Variants in KCND3 observed in about 807,000 individuals in gnomAD.
The protein encoded by KCND3 is potassium voltage-gated channel subfamily D member 3.
In KCND3, 9 loss-of-function variants were observed where a neutral mutation model predicts 51.1. The ratio of observed to expected loss-of-function variants is 0.18; its 90% CI spans 0.11 to 0.31. The LOEUF (loss-of-function observed/expected upper bound fraction) is 0.31, where lower values mean the gene tolerates loss of function less well. Ranked by LOEUF, KCND3 falls within the 10% of genes least tolerant of loss-of-function variation. KCND3 has a pLI of 1.00. For synonymous variants in KCND3, 349 were observed against 368.0 expected (o/e 0.95, Z 0.59); for missense variants, 526 against 903.8 (o/e 0.58, Z 5.36).
intron 2 of KCND3, among the ~76,000 whole-genome samples, chr1:111,906,285 T>C (rs574841271): frequency 6.6e-6 from 1 of 152,326 alleles, no homozygotes; most frequent in African/African-American, 2.4e-5. Context: ...CATTTGTGAC[T>C]ATGAACACGC....
chr1:111,864,011 T>C (rs189650885), intron 2 of KCND3, among the ~76,000 whole-genome samples: 3 of 152,180 alleles, frequency 2.0e-5, no homozygotes, highest in Admixed American at 6.5e-5. Flanking sequence ...ACTTGGAGCT[T>C]GCCTTGGATG....
chr1:111,928,382 CCTT>C (rs1400930902), intron 2 of KCND3, among the ~76,000 whole-genome samples: 1 of 151,958 alleles, frequency 6.6e-6, no homozygotes, highest in African/African-American at 2.4e-5. Flanking sequence ...TCTCCAAGTC[CCTT>C]CTTACCTTCC....
intron 2 of KCND3, among the ~76,000 whole-genome samples, chr1:111,795,514 A>G (rs1259141943): frequency 1.3e-5 from 2 of 152,238 alleles, no homozygotes; most frequent in Non-Finnish European, 2.9e-5. Context: ...AGCTCAGAGA[A>G]GTTAAGTAAC....
At chr1:111,963,172 C>A (rs185399245) in intron 2 of KCND3, among the ~76,000 whole-genome samples, 2 of 152,210 alleles carry the variant, frequency 1.3e-5, no homozygotes, top group South Asian at 2.1e-4. Flanking sequence ...CTCAACCCCC[C>A]ACCATACAGA....
In KCND3 at chr1:111,780,732, G is replaced by A; in HGVS notation, c.1329C>T (p.His443=). ...AKTGSSNAYL[H]SKRNGLLNEA... ...CGTTGAGGAGCCCGTTGCGCTTGCTGTGCAGGTATGCATTCGAACTGCCTG... is the reference window on the plus strand; with the variant it reads ...CGTTGAGGAGCCCGTTGCGCTTGCTATGCAGGTATGCATTCGAACTGCCTG... The change falls in exon 4 of 8, where the codon CAC becomes CAT. Residue 443 remains histidine (H), a synonymous_variant. Transcript: ENST00000302127. The surrounding 1 kb of genome is among the most constrained non-coding windows in gnomAD (Gnocchi z 4.2). 1 of 1,613,342 alleles carries A rather than the reference G, an allele frequency of 6.2e-7. No individual in the cohort carries two copies.
In KCND3 at chr1:111,989,525, G is replaced by A. The variant is rs976660919; in HGVS notation, c.-93C>T. ...CTTACCTTCCGCGAAGCCAGCCCGGGCCCCGCGCCCGGCGCCCCGCGCGCG... is the reference window on the plus strand; with the variant it reads ...CTTACCTTCCGCGAAGCCAGCCCGGACCCCGCGCCCGGCGCCCCGCGCGCG... On this transcript the variant is annotated 5_prime_UTR_variant, in exon 1 of 8. Coordinates refer to ENST00000302127, the MANE Select transcript of KCND3 (RefSeq NM_001378969.1). 2.0e-5 allele frequency among the ~76,000 whole-genome samples: 3 copies of A among 150,688 alleles called. No individual in the cohort carries two copies. The highest frequency in any genetic ancestry group is 4.4e-5 in the Non-Finnish European group (3 of 67,602).
intron 2 of KCND3, among the ~76,000 whole-genome samples, chr1:111,884,075 G>A (rs1308781925): frequency 2.0e-5 from 3 of 152,138 alleles, no homozygotes; most frequent in African/African-American, 7.2e-5. Context: ...TGATTTATTT[G>A]TTCCGGAATG....
At chr1:111,873,575 C>T (rs186890863) in intron 2 of KCND3, among the ~76,000 whole-genome samples, 60 of 152,230 alleles carry the variant, frequency 3.9e-4, no homozygotes, top group African/African-American at 1.4e-3. Flanking sequence ...GCTTGCTCCA[C>T]CTGGGAAGAC....
At chr1:111,932,270 C>T (rs756832482) in intron 2 of KCND3, among the ~76,000 whole-genome samples, 6 of 152,184 alleles carry the variant, frequency 3.9e-5, no homozygotes, top group Non-Finnish European at 7.3e-5. Flanking sequence ...TCCACGGGAG[C>T]AGGGGATGAG....
chr1:111,808,336 A>C (rs754335761), intron 2 of KCND3, among the ~76,000 whole-genome samples: 1 of 152,218 alleles, frequency 6.6e-6, no homozygotes, highest in African/African-American at 2.4e-5. Context: ...CGGTTTGTTC[A>C]TACTGACAGG....
At chr1:111,818,547 C>G (rs1163187761) in intron 2 of KCND3, among the ~76,000 whole-genome samples, 1 of 152,246 alleles carries the variant, frequency 6.6e-6, no homozygotes, top group Non-Finnish European at 1.5e-5. Flanking sequence ...CATGATGCAA[C>G]TTCCAGGCTT....
chr1:111,963,299 A>G (rs1267102768), intron 2 of KCND3, among the ~76,000 whole-genome samples: 1 of 152,260 alleles, frequency 6.6e-6, no homozygotes, highest in African/African-American at 2.4e-5. Context: ...AAGGAGCTAG[A>G]AAATAGGTCC....
intron 2 of KCND3, among the ~76,000 whole-genome samples, chr1:111,875,969 T>G (rs924103027): frequency 3.3e-5 from 5 of 152,238 alleles, no homozygotes; most frequent in African/African-American, 1.2e-4. Flanking sequence ...ACAGGGCCAA[T>G]GTGCTTGTCT....
chr1:111,949,121 T>C (rs1282088783), intron 2 of KCND3, among the ~76,000 whole-genome samples: 1 of 152,184 alleles, frequency 6.6e-6, no homozygotes. Flanking sequence ...GAGTATCACA[T>C]GTGCAAGTCC....
At chr1:111,836,720 A>C (rs1335624244) in intron 2 of KCND3, among the ~76,000 whole-genome samples, 1 of 152,180 alleles carries the variant, frequency 6.6e-6, no homozygotes, top group African/African-American at 2.4e-5. Context: ...TCATGCAAAT[A>C]GACCCCCAGC....
chr1:111,871,083 C>T (rs950055316), intron 2 of KCND3, among the ~76,000 whole-genome samples: 1 of 151,992 alleles, frequency 6.6e-6, no homozygotes, highest in African/African-American at 2.4e-5. Flanking sequence ...ATATGTGAGG[C>T]ACATTGAGAT....
chr1:111,796,608 C>T (rs1665068446), intron 2 of KCND3, among the ~76,000 whole-genome samples: 1 of 152,168 alleles, frequency 6.6e-6, no homozygotes, highest in Non-Finnish European at 1.5e-5. Context: ...AGGGGAACAG[C>T]ACACACTGGG....
At chr1:111,804,680 G>T (rs893308041) in intron 2 of KCND3, among the ~76,000 whole-genome samples, 3 of 152,214 alleles carry the variant, frequency 2.0e-5, no homozygotes, top group Non-Finnish European at 4.4e-5. Context: ...GCCAGGCACT[G>T]GTCCCAGTAT....
chr1:111,884,041 T>C (rs899979285), intron 2 of KCND3, among the ~76,000 whole-genome samples: 13 of 152,224 alleles, frequency 8.5e-5, no homozygotes, highest in African/African-American at 2.7e-4. Context: ...CTGCCTCTTG[T>C]AGGCTCTTCA....
Sources: gnomAD v4.1 joint callset for allele counts (sites outside exome capture counted in the v4.1 genomes callset) on GRCh38, gnomAD v4.1.1 for gene constraint, Gnocchi (gnomAD v3.1) non-coding constraint, MANE v1.5 for transcripts, NCBI Gene and HGNC (gene_info 2026-07-23, HGNC 2026-07-21) for gene names.